The following REEP3 variants were observed in gnomAD, a reference collection of about 807,000 sequenced individuals.
REEP3 encodes the protein receptor accessory protein 3.
In REEP3, 20 loss-of-function variants were observed where a neutral mutation model predicts 41.3. The ratio of observed to expected loss-of-function variants is 0.48; its 90% CI spans 0.34 to 0.70. REEP3 has a LOEUF of 0.70. Ranked by LOEUF, REEP3 falls within the 30% of genes least tolerant of loss-of-function variation. The pLI is 0.01. For missense variants in REEP3, 271 were observed against 308.8 expected (o/e 0.88, Z 0.92); for synonymous variants, 104 against 101.8 (o/e 1.02, Z -0.13).
At chr10:63,569,873 C>T (rs1012778537) in intron 2 of REEP3, among the ~76,000 whole-genome samples, 1 of 151,648 alleles carries the variant, frequency 6.6e-6, no homozygotes, top group South Asian at 2.1e-4. Flanking sequence ...GCCTGGGAGT[C>T]GAGACTACAG....
chr10:63,589,804 TTTTTTTTG>T (rs1279720230), intron 2 of REEP3, among the ~76,000 whole-genome samples: 9 of 140,434 alleles, frequency 6.4e-5, no homozygotes, highest in Admixed American at 7.1e-5. Context: ...TTTTTTTTTT[TTTTTTTTG>T]GAAACGGAGT....
At chr10:63,547,069 C>T (rs541493011) in intron 1 of REEP3, among the ~76,000 whole-genome samples, 58 of 151,794 alleles carry the variant, frequency 3.8e-4, no homozygotes, top group African/African-American at 1.4e-3. Context: ...TTACAGGCGC[C>T]CGCCACCATG....
chr10:63,561,540 T>C (rs1236216658), intron 1 of REEP3, among the ~76,000 whole-genome samples: 1 of 152,236 alleles, frequency 6.6e-6, no homozygotes, highest in Admixed American at 6.5e-5. Flanking sequence ...AATTATGTTC[T>C]GATGCCACCC....
At chr10:63,597,861 C>T (rs1206888150) in intron 3 of REEP3, among the ~76,000 whole-genome samples, 163 bp from the exon 4 acceptor site, 4 of 148,676 alleles carry the variant, frequency 2.7e-5, no homozygotes, top group African/African-American at 7.5e-5. Flanking sequence ...TGCAATGAGC[C>T]GAGATGGTGC....
At chr10:63,534,489 A>G (rs1745549898) in intron 1 of REEP3, among the ~76,000 whole-genome samples, 1 of 152,172 alleles carries the variant, frequency 6.6e-6, no homozygotes, top group South Asian at 2.1e-4. Context: ...GCCTCAAGTG[A>G]TCCTCCTTCC....
chr10:63,532,932 G>A (rs1243053176), intron 1 of REEP3, among the ~76,000 whole-genome samples: 3 of 152,060 alleles, frequency 2.0e-5, no homozygotes, highest in Admixed American at 2.0e-4. Flanking sequence ...AAAAAATGTC[G>A]AACAAACTAA....
chr10:63,582,523 C>A (rs752291664), intron 2 of REEP3, among the ~76,000 whole-genome samples: 2 of 152,040 alleles, frequency 1.3e-5, no homozygotes, highest in Middle Eastern at 3.4e-3. Flanking sequence ...TTGATGTAAA[C>A]GAATAGTTGA....
intron 2 of REEP3, among the ~76,000 whole-genome samples, chr10:63,570,642 G>T (rs985604915): frequency 7.9e-5 from 12 of 152,182 alleles, no homozygotes; most frequent in African/African-American, 2.2e-4. Context: ...GAAGGTAAAA[G>T]GCAGGTGGCT....
At chr10:63,600,215 A>T (rs1956159635) in intron 5 of REEP3, among the ~76,000 whole-genome samples, 1 of 152,196 alleles carries the variant, frequency 6.6e-6, no homozygotes, top group African/African-American at 2.4e-5. Context: ...TGGTGATTTT[A>T]TATAACTAAT....
intron 2 of REEP3, among the ~76,000 whole-genome samples, chr10:63,577,286 C>T (rs1955906462): frequency 6.6e-6 from 1 of 152,154 alleles, no homozygotes; most frequent in African/African-American, 2.4e-5. Flanking sequence ...CCCTCTGATT[C>T]ACCCCTTTCC....
intron 1 of REEP3, among the ~76,000 whole-genome samples, chr10:63,525,120 C>CT (rs1257627761): frequency 6.6e-6 from 1 of 152,004 alleles, no homozygotes; most frequent in Non-Finnish European, 1.5e-5. Flanking sequence ...ATATAGATAG[C>CT]TTTTTTATGA....
chr10:63,603,066 C>T (rs1455693743), intron 5 of REEP3, among the ~76,000 whole-genome samples: 1 of 151,094 alleles, frequency 6.6e-6, no homozygotes, highest in Non-Finnish European at 1.5e-5. Context: ...GTAATCCCAG[C>T]ACTTTGGGAG....
intron 1 of REEP3, among the ~76,000 whole-genome samples, chr10:63,554,306 T>C (rs1396624650): frequency 1.3e-5 from 2 of 152,134 alleles, no homozygotes; most frequent in Non-Finnish European, 2.9e-5. Flanking sequence ...GGTGTGATGA[T>C]TGTTGATTAA....
chr10:63,620,585 G>C (rs986173193), intron 7 of REEP3, among the ~76,000 whole-genome samples: 4 of 151,888 alleles, frequency 2.6e-5, no homozygotes, highest in Middle Eastern at 3.4e-3. Context: ...TAAATAATAG[G>C]ATTAATGTTT....
At chr10:63,600,928 T>C (rs1014030165) in intron 5 of REEP3, among the ~76,000 whole-genome samples, 1 of 151,870 alleles carries the variant, frequency 6.6e-6, no homozygotes, top group Non-Finnish European at 1.5e-5. Context: ...CCGAGGCAGA[T>C]GGATCACTTA....
chr10:63,577,116 G>T (rs1955904896), intron 2 of REEP3, among the ~76,000 whole-genome samples: 1 of 152,194 alleles, frequency 6.6e-6, no homozygotes, highest in South Asian at 2.1e-4. Context: ...GTGCCAGTCA[G>T]ATTCTTCAGA....
At position 63,568,361 on chromosome 10, in the gene REEP3, G is replaced by A. The variant is rs113474115; in HGVS notation, c.105+1951G>A. On this transcript the variant is annotated intron_variant, in intron 2 of 7. Coordinates refer to ENST00000373758, the MANE Select transcript of REEP3 (RefSeq NM_001001330.3). ...GGCTCACTGGAAGCTCTACCTCCCGGGTTCACGCCATTCTCCTGCCTCAGC... is the reference window on the plus strand; with the variant it reads ...GGCTCACTGGAAGCTCTACCTCCCGAGTTCACGCCATTCTCCTGCCTCAGC... Among the ~76,000 whole-genome samples the A allele has an allele frequency of 2.9e-3, 436 of 151,728 alleles. 2 individuals carry two copies. Among genetic ancestry groups the A allele is most frequent in the African/African-American group, 9.8e-3 (404 of 41,360 alleles).
chr10:63,605,639 G>A (rs545857108), intron 5 of REEP3, among the ~76,000 whole-genome samples: 5 of 152,298 alleles, frequency 3.3e-5, no homozygotes, highest in African/African-American at 1.2e-4. Context: ...TGTTAATGTA[G>A]TGTTTAACCA....
At chr10:63,525,407 T>C (rs1239417092) in intron 1 of REEP3, among the ~76,000 whole-genome samples, 2 of 152,196 alleles carry the variant, frequency 1.3e-5, no homozygotes, top group East Asian at 1.9e-4. Flanking sequence ...ACAGGCAAGA[T>C]TGACAGATTA....
Sources: gnomAD v4.1 joint callset for allele counts (sites outside exome capture counted in the v4.1 genomes callset) on GRCh38, gnomAD v4.1.1 for gene constraint, MANE v1.5 for transcripts, NCBI Gene and HGNC (gene_info 2026-07-23, HGNC 2026-07-21) for gene names.